Variants in LRP1B observed in about 807,000 individuals in gnomAD.
LRP1B encodes the protein low-density lipoprotein receptor-related protein 1B.
In LRP1B, 217 loss-of-function variants were observed where a neutral mutation model predicts 556.6. That is an observed-to-expected ratio of 0.39 (90% confidence interval 0.35 to 0.44). LRP1B has a LOEUF of 0.44. Among genes scored for constraint, LRP1B ranks in the 20% least tolerant of loss-of-function variants. The probability of loss-of-function intolerance (pLI) is 1.00; values close to 1 mark genes in which losing one functional copy is unlikely to be tolerated. For missense variants in LRP1B, 5,053 were observed against 5,620.8 expected (o/e 0.90, Z 3.23); for synonymous variants, 2,047 against 1,865.8 (o/e 1.10, Z -2.50).
chr2:140,389,750 T>C (rs1019967608), intron 66 of LRP1B, among the ~76,000 whole-genome samples: 4 of 148,718 alleles, frequency 2.7e-5, no homozygotes, highest in Non-Finnish European at 4.5e-5. Context: ...TAGTTTTATA[T>C]ATATATATAT....
At chr2:140,703,162 T>C (rs757865242) in intron 37 of LRP1B, among the ~76,000 whole-genome samples, 1 of 152,182 alleles carries the variant, frequency 6.6e-6, no homozygotes. Context: ...GACTGCTAAA[T>C]GTAACTAATC....
At chr2:140,954,939 T>G (rs1695829228) in intron 18 of LRP1B, among the ~76,000 whole-genome samples, 1 of 151,950 alleles carries the variant, frequency 6.6e-6, no homozygotes, top group Non-Finnish European at 1.5e-5. Flanking sequence ...AGTAATTATT[T>G]AAAGAGAGAC....
intron 36 of LRP1B, 33 bp from the exon 37 acceptor site, chr2:140,716,135 G>T: frequency 6.9e-7 from 1 of 1,445,988 alleles, no homozygotes; most frequent in South Asian, 1.4e-5. Context: ...TTATAATACA[G>T]TTTTGAGAAA....
chr2:140,451,772 T>TC (rs1686895890), intron 62 of LRP1B, among the ~76,000 whole-genome samples: 2 of 151,762 alleles, frequency 1.3e-5, no homozygotes, highest in South Asian at 4.2e-4. Flanking sequence ...GGCTCAACAT[T>TC]TTTTTTTGGC....
At chr2:140,690,045 G>GA (rs1409356361) in intron 41 of LRP1B, among the ~76,000 whole-genome samples, 1 of 151,408 alleles carries the variant, frequency 6.6e-6, no homozygotes, top group Non-Finnish European at 1.5e-5. Flanking sequence ...AAGCAATTGA[G>GA]AAACAATAGA....
At chr2:140,408,779 AT>A (rs1170831781) in intron 66 of LRP1B, among the ~76,000 whole-genome samples, 2 of 151,986 alleles carry the variant, frequency 1.3e-5, no homozygotes, top group Non-Finnish European at 2.9e-5. Flanking sequence ...AAAAAATGAT[AT>A]CTTTCTACTG....
At position 140,356,373 on chromosome 2, in the gene LRP1B, A is replaced by G. The variant is rs148957168; in HGVS notation, c.11499T>C (p.Phe3833=). ...ATTGTCTGTTTTTCATGTTTCTCTGAAATCCAGGCTTACAGCGACAGAAAA... is the reference window on the plus strand; with the variant it reads ...ATTGTCTGTTTTTCATGTTTCTCTGGAATCCAGGCTTACAGCGACAGAAAA... The part of the protein sequence containing the change: ...TSVFCRCKPG[F]QRNMKNRQCE... Residue 3833 remains phenylalanine, a synonymous_variant, in exon 75 of 91, where the codon TTT becomes TTC. Transcript: ENST00000389484. The G allele has an allele frequency of 6.2e-7, 1 of 1,611,108 alleles. No individual in the cohort carries two copies. The highest frequency in any genetic ancestry group is 1.3e-5 in the African/African-American group (1 of 74,874).
chr2:141,150,411 G>GTTTCTT (rs1701891940), intron 7 of LRP1B, among the ~76,000 whole-genome samples: 1 of 152,064 alleles, frequency 6.6e-6, no homozygotes, highest in Non-Finnish European at 1.5e-5. Context: ...TCTATATTTT[G>GTTTCTT]TTTCTTTTTC....
At chr2:141,762,845 T>G (rs1206220909) in intron 2 of LRP1B, among the ~76,000 whole-genome samples, 4 of 152,354 alleles carry the variant, frequency 2.6e-5, no homozygotes, top group East Asian at 3.9e-4. Context: ...TATTTGTAAC[T>G]GAGATAGGCT....
At chr2:140,851,563 G>T (rs1299517932) in intron 28 of LRP1B, 89 bp downstream of exon 28, 24 of 1,467,056 alleles carry the variant, frequency 1.6e-5, no homozygotes, top group Non-Finnish European at 2.2e-5. Context: ...AACTTCCTCT[G>T]CTTTAATATG....
At chr2:141,179,311 C>G (rs911643479) in intron 7 of LRP1B, among the ~76,000 whole-genome samples, 1 of 151,856 alleles carries the variant, frequency 6.6e-6, no homozygotes, top group Non-Finnish European at 1.5e-5. Context: ...GGAAAACTAG[C>G]TTGAAAACTT....
In LRP1B at chr2:141,519,006, T is replaced by C. The variant is rs114173782; in HGVS notation, c.206-38473A>G. Among the ~76,000 whole-genome samples the C allele has an allele frequency of 4.9e-3, 696 of 143,302 alleles. 2 individuals carry two copies. The highest frequency in any genetic ancestry group is 0.017 in the African/African-American group (659 of 38,504). The allele number at this position is 143,302 out of a possible 152,430, so 94.0% of individuals were successfully genotyped here. On this transcript the variant is annotated intron_variant, in intron 2 of 90. Transcript: ENST00000389484. Reference sequence around the variant, plus strand: ...AGAGGATGTGGGGAGAGAGAGACATTTCCATTGCAAACAAGACTCTGAGAA... The same window carrying C: ...AGAGGATGTGGGGAGAGAGAGACATCTCCATTGCAAACAAGACTCTGAGAA...
intron 77 of LRP1B, among the ~76,000 whole-genome samples, chr2:140,339,304 G>A (rs537889273): frequency 1.3e-5 from 2 of 151,694 alleles, no homozygotes; most frequent in South Asian, 2.1e-4. Flanking sequence ...TTTAAAACAG[G>A]AAAAAGGAAA....
At chr2:141,026,286 G>A (rs1698215667) in intron 11 of LRP1B, among the ~76,000 whole-genome samples, 2 of 152,034 alleles carry the variant, frequency 1.3e-5, no homozygotes. Context: ...TTTCACAGAA[G>A]TTGACTTTTT....
intron 3 of LRP1B, among the ~76,000 whole-genome samples, chr2:141,266,273 G>A (rs948440595): frequency 7.7e-4 from 113 of 146,586 alleles, no homozygotes; most frequent in Non-Finnish European, 5.3e-4. Context: ...GCAGTGAGCA[G>A]AGATTGCGCC....
chr2:140,457,124 C>T (rs1334955523), intron 61 of LRP1B, among the ~76,000 whole-genome samples: 1 of 152,094 alleles, frequency 6.6e-6, no homozygotes, highest in Non-Finnish European at 1.5e-5. Flanking sequence ...AAGCATAATT[C>T]CTCCTACTCA....
At position 140,672,394 on chromosome 2, in the gene LRP1B, G is replaced by T. The variant is rs1685516404; in HGVS notation, c.6799+27856C>A. Among the ~76,000 whole-genome samples the T allele has an allele frequency of 2.1e-5, 3 of 146,262 alleles. No individual in the cohort carries two copies. In the Admixed American group the frequency reaches 2.1e-4, roughly 10 times the overall value. On this transcript the variant is annotated intron_variant, in intron 41 of 90. Coordinates refer to ENST00000389484, the MANE Select transcript of LRP1B (RefSeq NM_018557.3). Reference sequence around the variant, plus strand: ...AGCTACTCAGGAAGCTGAGGCAGGAGAATCGCTTGAACCCAGGAAGCAGAG... The same window carrying T: ...AGCTACTCAGGAAGCTGAGGCAGGATAATCGCTTGAACCCAGGAAGCAGAG...
Position 141,049,194 on chromosome 2 carries a change from A to G in LRP1B, c.1581T>C (p.Tyr527=), listed in dbSNP as rs775146940. 2.5e-5 allele frequency: 40 copies of G among 1,613,012 alleles called. No individual in the cohort carries two copies. Among genetic ancestry groups the G allele is most frequent in the Non-Finnish European group, 3.3e-5 (39 of 1,179,340 alleles). ...TAACAATTCCTGGGCGTCCTTTCCC[A>G]TAAAAGAGGAACAACTCATTCTTTG... is the stretch of plus-strand genomic sequence containing the variant. ...KRPKNELFLF[Y]GKGRPGIVRG... The change falls in exon 11 of 91, where the codon TAT becomes TAC. Residue 527 remains tyrosine (Y), a synonymous_variant. Transcript: ENST00000389484.
In LRP1B at chr2:141,354,334, A is replaced by T. The variant is rs182806093; in HGVS notation, c.344-99693T>A. On this transcript the variant is annotated intron_variant, in intron 3 of 90. Coordinates refer to ENST00000389484, the MANE Select transcript of LRP1B (RefSeq NM_018557.3). ...AGTTATCTAGAAGAAGGTCAGCAGA[A>T]CCCATCACTCACATAATTCAGACAA... Among the ~76,000 whole-genome samples, 247 of 152,178 alleles carry T rather than the reference A, an allele frequency of 1.6e-3. 2 individuals are homozygous for T. Among genetic ancestry groups the T allele is most frequent in the South Asian group, 0.011 (55 of 4,828 alleles).
Sources: gnomAD v4.1 joint callset for allele counts (sites outside exome capture counted in the v4.1 genomes callset) on GRCh38, gnomAD v4.1.1 for gene constraint, MANE v1.5 for transcripts, NCBI Gene and HGNC (gene_info 2026-07-23, HGNC 2026-07-21) for gene names.